Variants in CAMK2A observed in about 807,000 individuals in gnomAD.
CAMK2A encodes calcium/calmodulin dependent protein kinase II alpha.
In CAMK2A, 7 loss-of-function variants were observed where a neutral mutation model predicts 79.2. The observed-to-expected ratio is 0.09, with a 90% CI of 0.05 to 0.17. CAMK2A has a LOEUF of 0.17. Among genes scored for constraint, CAMK2A ranks in the 10% least tolerant of loss-of-function variants. CAMK2A has a pLI of 1.00. For missense variants in CAMK2A, 214 were observed against 646.4 expected (o/e 0.33, Z 7.25); for synonymous variants, 242 against 251.7 (o/e 0.96, Z 0.36).
intron 15 of CAMK2A, among the ~76,000 whole-genome samples, chr5:150,233,514 T>G (rs906575746): frequency 3.3e-5 from 5 of 152,210 alleles, no homozygotes; most frequent in African/African-American, 1.2e-4. Flanking sequence ...ACACAGGTGT[T>G]GCTGCACCTC....
intron 2 of CAMK2A, among the ~76,000 whole-genome samples, chr5:150,268,783 G>T (rs1756616435): frequency 6.6e-6 from 1 of 152,072 alleles, no homozygotes; most frequent in Non-Finnish European, 1.5e-5. Flanking sequence ...TTTTGAGACA[G>T]GGTCTCACTC....
chr5:150,268,124 C>T (rs1163501817), intron 2 of CAMK2A, among the ~76,000 whole-genome samples: 3 of 152,264 alleles, frequency 2.0e-5, no homozygotes, highest in African/African-American at 4.8e-5. Context: ...GTGATCCGCC[C>T]GCCTTGCCCT....
chr5:150,256,124 C>A lies in CAMK2A; in HGVS notation c.411+449G>T, dbSNP rs761682504. Among the ~76,000 whole-genome samples the A allele has an allele frequency of 6.6e-6, 1 of 152,204 alleles. No individual in the cohort carries two copies. Among genetic ancestry groups the A allele is most frequent in the Admixed American group, 6.5e-5 (1 of 15,288 alleles). On this transcript the variant is annotated intron_variant, in intron 6 of 18. Coordinates refer to ENST00000671881, the MANE Select transcript of CAMK2A (RefSeq NM_015981.4). The surrounding 1 kb of genome is among the most constrained non-coding windows in gnomAD (Gnocchi z 4.6). ...CAAGACTAAGAATGCATCTGTATAC[C>A]AGGCCCCGTGCTATCTCATTTCATA...
chr5:150,242,588 G>T (rs1385544605), intron 13 of CAMK2A, among the ~76,000 whole-genome samples: 1 of 152,200 alleles, frequency 6.6e-6, no homozygotes, highest in African/African-American at 2.4e-5. Flanking sequence ...GGCTCCACCA[G>T]GCCCTTCTGG....
chr5:150,285,731 A>G (rs183142545), intron 1 of CAMK2A, among the ~76,000 whole-genome samples: 7 of 152,138 alleles, frequency 4.6e-5, no homozygotes, highest in East Asian at 1.9e-4. Flanking sequence ...TCTAGAGAGA[A>G]AAGAGTGGGC....
chr5:150,269,633 CGTG>C (rs1456549228), intron 2 of CAMK2A, among the ~76,000 whole-genome samples: 4 of 152,114 alleles, frequency 2.6e-5, no homozygotes, highest in Non-Finnish European at 2.9e-5. Flanking sequence ...GGATTAAAGA[CGTG>C]AGCCACCAAA....
chr5:150,226,744 A>AGGGGGG (rs530069538), intron 17 of CAMK2A, among the ~76,000 whole-genome samples: 13 of 84,474 alleles, frequency 1.5e-4, no homozygotes, highest in Non-Finnish European at 2.4e-4. Context: ...AAAAAAAAAA[A>AGGGGGG]GGGGGGGGGG....
intron 2 of CAMK2A, 64 bp downstream of exon 2, chr5:150,273,001 C>A (rs1385965483): frequency 1.6e-6 from 2 of 1,281,494 alleles, no homozygotes; most frequent in East Asian, 4.6e-5. Flanking sequence ...CTAAACCAAG[C>A]AGTACAGGTA....
rs1754426823 is a variant in CAMK2A at position 150,223,239 on chromosome 5, G to A, written c.1238-22C>T. On this transcript the variant is annotated intron_variant, in intron 17 of 18. Transcript: ENST00000671881. The surrounding 1 kb of genome is among the most constrained non-coding windows in gnomAD (Gnocchi z 4.1). ...CACACTGGAGGAGGGGATGGGAGGG[G>A]CAGAGGAGATGCAACCGGGGGCCTC... is the stretch of plus-strand genomic sequence containing the variant. The A allele has an allele frequency of 1.6e-5, 25 of 1,595,316 alleles. No individual in the cohort carries two copies. Among genetic ancestry groups the A allele is most frequent in the African/African-American group, 2.7e-5 (2 of 74,558 alleles).
At chr5:150,224,152 T>A (rs1754484826) in intron 17 of CAMK2A, among the ~76,000 whole-genome samples, 2 of 152,128 alleles carry the variant, frequency 1.3e-5, no homozygotes, top group South Asian at 4.1e-4. Flanking sequence ...ACATGAGGCA[T>A]CTCCAGGACT....
In CAMK2A at chr5:150,223,467, T is replaced by G. The variant is rs1409182735; in HGVS notation, c.1238-250A>C. On this transcript the variant is annotated intron_variant, in intron 17 of 18. Transcript: ENST00000671881. The surrounding 1 kb of genome is among the most constrained non-coding windows in gnomAD (Gnocchi z 4.1). ...GCAGAATTCATCAAACATGAGAAAA[T>G]GGAATGTTTGAATCATGACCGTTAG... is the stretch of plus-strand genomic sequence containing the variant. Among the ~76,000 whole-genome samples the G allele has an allele frequency of 6.6e-6, 1 of 151,796 alleles. No individual in the cohort carries two copies. Among genetic ancestry groups the G allele is most frequent in the Non-Finnish European group, 1.5e-5 (1 of 67,956 alleles).
chr5:150,231,120 G>T (rs145861478), intron 16 of CAMK2A, among the ~76,000 whole-genome samples, 185 bp downstream of exon 16: 1 of 152,116 alleles, frequency 6.6e-6, no homozygotes, highest in East Asian at 1.9e-4. Context: ...GAGCAGTGTC[G>T]CGAACAGAAA....
chr5:150,227,812 C>A (rs1754669107), intron 17 of CAMK2A, among the ~76,000 whole-genome samples: 1 of 152,166 alleles, frequency 6.6e-6, no homozygotes, highest in African/African-American at 2.4e-5. Flanking sequence ...GCTGGGATGG[C>A]CCCAGGCATC....
At chr5:150,268,828 C>T (rs1292795074) in intron 2 of CAMK2A, among the ~76,000 whole-genome samples, 8 of 152,174 alleles carry the variant, frequency 5.3e-5, no homozygotes, top group African/African-American at 9.7e-5. Context: ...GGCAGGATCA[C>T]GGCTCACTGC....
At chr5:150,241,573 T>C (rs1265474355) in intron 13 of CAMK2A, among the ~76,000 whole-genome samples, 4 of 137,476 alleles carry the variant, frequency 2.9e-5, no homozygotes, top group African/African-American at 1.1e-4. Context: ...CTCTGCCTCC[T>C]TCCTCTCTTC....
rs1321215887 is a variant in CAMK2A, at chr5:150,222,604, AC to A, written c.*105del. The A allele has an allele frequency of 3.2e-6, 4 of 1,242,980 alleles. No homozygotes were observed. The highest frequency in any genetic ancestry group is 4.7e-6 in the Non-Finnish European group (4 of 847,054). The allele number at this position is 1,242,980 out of a possible 1,614,324, so 77.0% of individuals were successfully genotyped here. A position where few individuals can be genotyped will look rare whatever the true frequency, so the allele number is the denominator to read the frequency against. On this transcript the variant is annotated 3_prime_UTR_variant, in exon 19 of 19. Coordinates refer to ENST00000671881, the MANE Select transcript of CAMK2A (RefSeq NM_015981.4). ...CAGAAGTGACGGTGGTGGGGTGATG[AC>A]ATGGGAGAATTCCAGCAAAATCCAC...
chr5:150,285,870 C>T (rs1455699254), intron 1 of CAMK2A, among the ~76,000 whole-genome samples: 1 of 152,204 alleles, frequency 6.6e-6, no homozygotes, highest in African/African-American at 2.4e-5. Context: ...TTTCTAACCT[C>T]TCCTGGGGGT....
rs1015227062 is a variant in CAMK2A, at chr5:150,221,876, G to A, written c.*834C>T. 4.1e-5 allele frequency: 14 copies of A among 345,572 alleles called. No homozygotes were observed. The highest frequency in any genetic ancestry group is 1.7e-4 in the East Asian group (4 of 23,044). 21.4% of individuals were successfully genotyped at this position (345,572 alleles called of 1,614,324 possible). A position where few individuals can be genotyped will look rare whatever the true frequency, so the allele number is the denominator to read the frequency against. On this transcript the variant is annotated 3_prime_UTR_variant, in exon 19 of 19. Coordinates refer to ENST00000671881, the MANE Select transcript of CAMK2A (RefSeq NM_015981.4). ...TTATTACATAAATATCCATTAACGC[G>A]AAATCCATTTACGAAATACACAGAA...
chr5:150,241,516 CCCT>C (rs1158111856), intron 13 of CAMK2A, among the ~76,000 whole-genome samples: 1 of 145,276 alleles, frequency 6.9e-6, no homozygotes, highest in Non-Finnish European at 1.5e-5. Context: ...CTCTCCTCCT[CCCT>C]CTTTTCTTCC....
Sources: gnomAD v4.1 joint callset for allele counts (sites outside exome capture counted in the v4.1 genomes callset) on GRCh38, gnomAD v4.1.1 for gene constraint, Gnocchi (gnomAD v3.1) non-coding constraint, MANE v1.5 for transcripts, NCBI Gene and HGNC (gene_info 2026-07-23, HGNC 2026-07-21) for gene names.